The following PRKN variants were observed in gnomAD, a reference collection of about 807,000 sequenced individuals.
PRKN encodes the protein parkin RBR E3 ubiquitin protein ligase.
In PRKN, 56 loss-of-function variants were observed where a neutral mutation model predicts 59.5. The ratio of observed to expected loss-of-function variants is 0.94; its 90% CI spans 0.76 to 1.18. PRKN has a LOEUF of 1.18. Ranked by LOEUF, PRKN falls within the 50% of genes most tolerant of loss-of-function variation. PRKN has a pLI of 0.00. For missense variants in PRKN, 657 were observed against 596.4 expected (o/e 1.10, Z -1.06); for synonymous variants, 250 against 222.1 (o/e 1.13, Z -1.12).
intron 6 of PRKN, among the ~76,000 whole-genome samples, chr6:161,911,898 C>T (rs1778375121): frequency 6.6e-6 from 1 of 152,078 alleles, no homozygotes; most frequent in Non-Finnish European, 1.5e-5. Context: ...AAACGATGGG[C>T]CAGGCATGGT....
chr6:161,897,924 G>C (rs372734519), intron 6 of PRKN, among the ~76,000 whole-genome samples: 4 of 119,102 alleles, frequency 3.4e-5, no homozygotes, highest in African/African-American at 1.3e-4. Flanking sequence ...CTGAGATCGC[G>C]CCACTGCACT....
Position 161,457,557 on chromosome 6 carries a change from T to C in PRKN, c.1084-70680A>G, listed in dbSNP as rs1443881317. Among the ~76,000 whole-genome samples, 5 of 152,214 alleles carry C rather than the reference T, an allele frequency of 3.3e-5. No individual in the cohort carries two copies. Among genetic ancestry groups the C allele is most frequent in the African/African-American group, 1.2e-4 (5 of 41,452 alleles). ...ACAATGATAAGACATGACTGCTGAA[T>C]GTGTGGATAGATGGATGGGAGGATG... On this transcript the variant is annotated intron_variant, in intron 9 of 11. Transcript: ENST00000366898. This position sits in a 1 kb window ranked among gnomAD's most constrained non-coding sequence, Gnocchi z 5.0.
At position 162,270,843 on chromosome 6, in the gene PRKN, AT is replaced by A. The variant is rs778987378; in HGVS notation, c.172-8079del. 349 of 144,022 alleles carry A rather than the reference AT, an allele frequency of 2.4e-3. 1 individual carries two copies. Among genetic ancestry groups the A allele is most frequent in the African/African-American group, 2.2e-3 (85 of 39,510 alleles). The allele number at this position is 144,022 out of a possible 1,614,324, so 8.9% of individuals were successfully genotyped here. ...TCTGAAAATAACTTCTAACAAACAGATTTTTTTTTTTTTAAGGCAGGGTCTC... is the reference window on the plus strand; with the variant it reads ...TCTGAAAATAACTTCTAACAAACAGATTTTTTTTTTTTAAGGCAGGGTCTC... On this transcript the variant is annotated intron_variant, in intron 2 of 11. Transcript: ENST00000366898.
At chr6:162,575,710 A>G (rs28360533) in intron 1 of PRKN, among the ~76,000 whole-genome samples, 15,431 of 152,196 alleles carry the variant, frequency 0.1, 928 homozygotes, top group Middle Eastern at 0.19. Context: ...TGTCTAAAAG[A>G]ATGGCCAGGG....
At chr6:161,827,809 T>C (rs1362788672) in intron 6 of PRKN, among the ~76,000 whole-genome samples, 1 of 152,148 alleles carries the variant, frequency 6.6e-6, no homozygotes, top group Non-Finnish European at 1.5e-5. Context: ...CACCCGGCCC[T>C]TGATTTTACT....
At chr6:162,358,857 G>A (rs1784995368) in intron 2 of PRKN, among the ~76,000 whole-genome samples, 1 of 151,576 alleles carries the variant, frequency 6.6e-6, no homozygotes, top group Non-Finnish European at 1.5e-5. Flanking sequence ...GTCAGGAGTT[G>A]GAGATAAGCC....
Position 161,372,228 on chromosome 6 carries a change from C to A in PRKN, c.1168-12023G>T, listed in dbSNP as rs986483752. ...TTACAAGTTGACATATGGGAAAAAT[C>A]TACACTTGAGCTAGAAAATATGCTG... On this transcript the variant is annotated intron_variant, in intron 10 of 11. Coordinates refer to ENST00000366898, the MANE Select transcript of PRKN (RefSeq NM_004562.3). This position sits in a 1 kb window ranked among gnomAD's most constrained non-coding sequence, Gnocchi z 4.2. Among the ~76,000 whole-genome samples, 3 of 152,178 alleles carry A rather than the reference C, an allele frequency of 2.0e-5. No individual in the cohort carries two copies. Among genetic ancestry groups the A allele is most frequent in the African/African-American group, 7.2e-5 (3 of 41,438 alleles).
At chr6:161,524,871 A>G (rs1376260485) in intron 9 of PRKN, among the ~76,000 whole-genome samples, 1 of 152,154 alleles carries the variant, frequency 6.6e-6, no homozygotes, top group African/African-American at 2.4e-5. Flanking sequence ...CCCAATGAGT[A>G]GGTGTACGCA....
At chr6:161,762,938 A>C (rs1266971832) in intron 7 of PRKN, among the ~76,000 whole-genome samples, 2 of 152,200 alleles carry the variant, frequency 1.3e-5, no homozygotes, top group Non-Finnish European at 2.9e-5. Context: ...TAGACAAAAA[A>C]TGGAGAGAAC....
chr6:162,275,615 T>C (rs1312537044), intron 2 of PRKN, among the ~76,000 whole-genome samples: 1 of 152,052 alleles, frequency 6.6e-6, no homozygotes, highest in Non-Finnish European at 1.5e-5. Flanking sequence ...TGAAACCCTG[T>C]CTCTACTAAA....
At chr6:162,249,085 G>A (rs369003226) in intron 3 of PRKN, among the ~76,000 whole-genome samples, 11 of 152,070 alleles carry the variant, frequency 7.2e-5, no homozygotes, top group South Asian at 4.2e-4. Context: ...TCACCATGTT[G>A]GCCAGGATGG....
chr6:161,831,571 G>A (rs1422463599), intron 6 of PRKN, among the ~76,000 whole-genome samples: 1 of 152,208 alleles, frequency 6.6e-6, no homozygotes, highest in Admixed American at 6.5e-5. Flanking sequence ...ATGATCAACA[G>A]TGAACTTGGC....
intron 4 of PRKN, among the ~76,000 whole-genome samples, chr6:162,137,929 A>C (rs1018463618): frequency 1.3e-5 from 2 of 152,148 alleles, no homozygotes; most frequent in African/African-American, 4.8e-5. Flanking sequence ...ATATGATTGG[A>C]CTGAGGTAAT....
rs539315705 is a variant in PRKN, at chr6:161,914,681, G to A, written c.734+58621C>T. ...CTTTGGCCTCATACATGGATATAGC[G>A]TGTTGGTTGGTACCATGCAAACACT... On this transcript the variant is annotated intron_variant, in intron 6 of 11. Coordinates refer to ENST00000366898, the MANE Select transcript of PRKN (RefSeq NM_004562.3). 7.2e-5 allele frequency among the ~76,000 whole-genome samples: 11 copies of A among 152,202 alleles called. No homozygotes were observed. In the South Asian group the frequency reaches 1.2e-3, roughly 17 times the overall value.
intron 6 of PRKN, among the ~76,000 whole-genome samples, chr6:161,834,097 C>G (rs1792635537): frequency 6.6e-6 from 1 of 152,014 alleles, no homozygotes; most frequent in Non-Finnish European, 1.5e-5. Flanking sequence ...CGCTGGGATT[C>G]AGGGTCTCCA....
chr6:162,612,413 G>A (rs1196513619), intron 1 of PRKN, among the ~76,000 whole-genome samples: 1 of 151,494 alleles, frequency 6.6e-6, no homozygotes, highest in Non-Finnish European at 1.5e-5. Flanking sequence ...GTTAACACTG[G>A]GGAAAATAGC....
Position 162,727,531 on chromosome 6 carries a change from G to A in PRKN, c.7+131C>T, listed in dbSNP as rs547402532. ...GGGGAGCCCGGCGGCGCGGGCCGGG[G>A]ACGGCACGGGCACTTTGGCCCCGTC... On this transcript the variant is annotated intron_variant, in intron 1 of 11. Coordinates refer to ENST00000366898, the MANE Select transcript of PRKN (RefSeq NM_004562.3). 75 of 1,036,458 alleles carry A rather than the reference G, an allele frequency of 7.2e-5. No homozygotes were observed. In the African/African-American group the frequency reaches 1.1e-3, roughly 16 times the overall value. 64.2% of individuals were successfully genotyped at this position (1,036,458 alleles called of 1,614,324 possible).
At chr6:162,211,585 A>G (rs1275402721) in intron 3 of PRKN, among the ~76,000 whole-genome samples, 1 of 152,208 alleles carries the variant, frequency 6.6e-6, no homozygotes, top group Non-Finnish European at 1.5e-5. Context: ...CCTCAGAGGA[A>G]TGGCATTAAT....
At chr6:161,366,982 CTTTTTTTTTTT>C (rs57164972) in intron 10 of PRKN, among the ~76,000 whole-genome samples, 8 of 91,946 alleles carry the variant, frequency 8.7e-5, no homozygotes, top group Middle Eastern at 6.3e-3. Context: ...TTTTTGTTTC[CTTTTTTTTTTT>C]TTTTTTTTTT....
Sources: gnomAD v4.1 joint callset for allele counts (sites outside exome capture counted in the v4.1 genomes callset) on GRCh38, gnomAD v4.1.1 for gene constraint, Gnocchi (gnomAD v3.1) non-coding constraint, MANE v1.5 for transcripts, NCBI Gene and HGNC (gene_info 2026-07-23, HGNC 2026-07-21) for gene names.